INSC: variants seen among roughly 807,000 people sequenced by gnomAD.
INSC encodes the protein INSC spindle orientation adaptor protein, also known as protein inscuteable homolog.
In INSC, 67 loss-of-function variants were observed where a neutral mutation model predicts 58.6. The observed-to-expected ratio is 1.14, with a 90% CI of 0.94 to 1.40. The LOEUF (loss-of-function observed/expected upper bound fraction) is 1.40. Ranked by LOEUF, INSC falls within the 40% of genes most tolerant of loss-of-function variation. INSC has a pLI of 0.00. For synonymous variants in INSC, 262 were observed against 276.1 expected, an observed-to-expected ratio of 0.95 and a Z score of 0.51; for missense variants, 714 against 692.0, an observed-to-expected ratio of 1.03 and a Z score of -0.36.
the INSC span, among the ~76,000 whole-genome samples, chr11:15,268,621 C>T: frequency 3.3e-5 from 5 of 152,058 alleles, no homozygotes; most frequent in Admixed American, 2.0e-4. Flanking sequence ...TGTTTGCCTT[C>T]ACTTGTCTGG....
intron 12 of INSC, among the ~76,000 whole-genome samples, chr11:15,241,179 T>C (rs1209598832): frequency 6.6e-6 from 1 of 152,204 alleles, no homozygotes; most frequent in Non-Finnish European, 1.5e-5. Flanking sequence ...CTACTAGGTC[T>C]CTAAGGACTC....
At chr11:15,187,926 G>T (rs571496038) in intron 5 of INSC, among the ~76,000 whole-genome samples, 4 of 152,284 alleles carry the variant, frequency 2.6e-5, no homozygotes, top group African/African-American at 9.6e-5. Context: ...CGATACTAAG[G>T]TAGGAGTAGA....
chr11:15,169,966 C>T (rs1849338874), intron 2 of INSC, among the ~76,000 whole-genome samples: 1 of 152,170 alleles, frequency 6.6e-6, no homozygotes, highest in Non-Finnish European at 1.5e-5. Flanking sequence ...AGATTGGTTC[C>T]AGGACTTCCC....
At chr11:15,171,043 T>C (rs1849379946) in intron 2 of INSC, among the ~76,000 whole-genome samples, 4 of 152,206 alleles carry the variant, frequency 2.6e-5, no homozygotes, top group Admixed American at 2.0e-4. Flanking sequence ...ACTAAGTATA[T>C]ACCTCCTGTG....
intron 6 of INSC, among the ~76,000 whole-genome samples, chr11:15,197,177 G>C (rs1311001186): frequency 6.6e-6 from 1 of 152,200 alleles, no homozygotes; most frequent in Non-Finnish European, 1.5e-5. Flanking sequence ...CATGAAAGCA[G>C]AGCTGGGATT....
intron 2 of INSC, among the ~76,000 whole-genome samples, chr11:15,163,031 C>T (rs1313317235): frequency 6.6e-6 from 1 of 152,226 alleles, no homozygotes; most frequent in East Asian, 1.9e-4. Context: ...GTGTCCAAGT[C>T]TTACTGATTT....
At chr11:15,153,242 G>A (rs776596114) in intron 2 of INSC, among the ~76,000 whole-genome samples, 5 of 152,284 alleles carry the variant, frequency 3.3e-5, no homozygotes, top group South Asian at 4.1e-4. Flanking sequence ...GCTTTCATCT[G>A]TGACTTCTCC....
At chr11:15,131,335 G>A (rs1476969417) in intron 1 of INSC, among the ~76,000 whole-genome samples, 1 of 151,754 alleles carries the variant, frequency 6.6e-6, no homozygotes, top group East Asian at 1.9e-4. Flanking sequence ...TTATGTTGGG[G>A]TAGAGATTGC....
At chr11:15,256,084 G>A in the INSC span, among the ~76,000 whole-genome samples, 1 of 152,158 alleles carries the variant, frequency 6.6e-6, no homozygotes, top group South Asian at 2.1e-4. Context: ...ATGACAGCTG[G>A]AGCATGGGAG....
intron 1 of INSC, among the ~76,000 whole-genome samples, chr11:15,141,133 C>T (rs1848361030): frequency 6.6e-6 from 1 of 152,138 alleles, no homozygotes; most frequent in Non-Finnish European, 1.5e-5. Context: ...TAAGGCCCCC[C>T]TACTAGTTCT....
At chr11:15,131,884 C>A (rs1848133188) in intron 1 of INSC, among the ~76,000 whole-genome samples, 1 of 152,122 alleles carries the variant, frequency 6.6e-6, no homozygotes, top group African/African-American at 2.4e-5. Context: ...CAACTTCCAA[C>A]CCCCTCCATG....
intron 6 of INSC, 88 bp from the exon 7 acceptor site, chr11:15,200,736 C>A: frequency 6.3e-7 from 1 of 1,578,954 alleles, no homozygotes; most frequent in Non-Finnish European, 8.6e-7. Context: ...GAAAGCATAT[C>A]TGGCGAATCA....
At position 15,201,439 on chromosome 11, in the gene INSC, C is replaced by T. The variant is rs191821795; in HGVS notation, c.819+490C>T. On this transcript the variant is annotated intron_variant, in intron 7 of 12. Transcript: ENST00000379556. The stretch of plus-strand genomic sequence containing the variant: ...GGCTTGGGTGAGGGAGGTGGAAGCC[C>T]CAGTCCAAGTGCTCACTGGGCCAAG... Among the ~76,000 whole-genome samples, 3 of 152,270 alleles carry T rather than the reference C, an allele frequency of 2.0e-5. No individual in the cohort carries two copies. In the East Asian group the frequency reaches 5.8e-4, roughly 29 times the overall value.
At position 15,181,265 on chromosome 11, in the gene INSC, C is replaced by A. The variant is rs190348905; in HGVS notation, c.579+2818C>A. 1.7e-3 allele frequency among the ~76,000 whole-genome samples: 254 copies of A among 152,258 alleles called. 1 individual carries two copies. The highest frequency in any genetic ancestry group is 5.8e-3 in the African/African-American group (239 of 41,550). On this transcript the variant is annotated intron_variant, in intron 5 of 12. Transcript: ENST00000379556. ...GGCATAGAATGTTAAGCAACATATT[C>A]CAAACTTTCAGGGTCACAGATTTAA... is the stretch of plus-strand genomic sequence containing the variant.
At chr11:15,119,376 C>G (rs922632049) in intron 1 of INSC, among the ~76,000 whole-genome samples, 4 of 152,192 alleles carry the variant, frequency 2.6e-5, no homozygotes, top group Admixed American at 6.5e-5. Context: ...TCCTGGGAAC[C>G]AAGCCTCTGC....
Position 15,176,008 on chromosome 11 carries a change from G to A in INSC, c.324G>A (p.Val108=). The change falls in exon 3 of 13, where the codon GTG becomes GTA. Residue 108 remains valine (V), a synonymous_variant. Transcript: ENST00000379556. ...GGGCACGGGTGCACAGCATGAGCGT[G>A]CGTCTGACCTGCCATGCCCGCTCCA... is the stretch of plus-strand genomic sequence containing the variant. ...DRWARVHSMS[V]RLTCHARSMV... 1.4e-5 allele frequency: 22 copies of A among 1,598,866 alleles called. No individual in the cohort carries two copies. Among genetic ancestry groups the A allele is most frequent in the Non-Finnish European group, 1.9e-5 (22 of 1,172,336 alleles).
chr11:15,234,791 C>G (rs550308769), intron 9 of INSC, among the ~76,000 whole-genome samples: 2 of 152,138 alleles, frequency 1.3e-5, no homozygotes, highest in African/African-American at 4.8e-5. Flanking sequence ...ATTCCAGTAG[C>G]ATTTTGGCAC....
chr11:15,177,098 T>TA lies in INSC; in HGVS notation c.403-12dup. The TA allele has an allele frequency of 6.2e-7, 1 of 1,612,982 alleles. No individual in the cohort carries two copies. Among genetic ancestry groups the TA allele is most frequent in the Non-Finnish European group, 8.5e-7 (1 of 1,178,962 alleles). On this transcript the variant is annotated splice_polypyrimidine_tract_variant and intron_variant, in intron 3 of 12. Coordinates refer to ENST00000379556, the MANE Select transcript of INSC (RefSeq NM_001042536.3). ...CTTACTGAGTTGAATAAAATGGACT[T>TA]ATTTTTCTACAGATTGAGAAGCTGC...
rs905299811 is a variant in INSC, at chr11:15,231,939, G to A, written c.1171-3663G>A. Among the ~76,000 whole-genome samples the A allele has an allele frequency of 2.6e-5, 4 of 152,172 alleles. No individual in the cohort carries two copies. In the South Asian group the frequency reaches 6.2e-4, roughly 24 times the overall value. On this transcript the variant is annotated intron_variant, in intron 9 of 12. Transcript: ENST00000379556. ...CAGGCCTGGTTCACACCTTGGCATCGGCCTGCAGACAAGTGTTTCTCCTCC... is the reference window on the plus strand; with the variant it reads ...CAGGCCTGGTTCACACCTTGGCATCAGCCTGCAGACAAGTGTTTCTCCTCC...
Sources: gnomAD v4.1 joint callset for allele counts (sites outside exome capture counted in the v4.1 genomes callset) on GRCh38, gnomAD v4.1.1 for gene constraint, MANE v1.5 for transcripts, NCBI Gene and HGNC (gene_info 2026-07-23, HGNC 2026-07-21) for gene names.